The following LRFN5 variants were observed in gnomAD, a reference collection of about 807,000 sequenced individuals.
LRFN5 encodes leucine rich repeat and fibronectin type III domain containing 5.
Under a neutral mutation model 45.6 loss-of-function variants are expected in LRFN5, and 24 were observed. The ratio of observed to expected loss-of-function variants is 0.53; its 90% CI spans 0.38 to 0.74. The LOEUF (loss-of-function observed/expected upper bound fraction) is 0.74, where lower values mean the gene tolerates loss of function less well. Ranked by LOEUF, LRFN5 falls within the 30% of genes least tolerant of loss-of-function variation. LRFN5 has a pLI of 0.00. For missense variants in LRFN5, 776 were observed against 861.5 expected, an observed-to-expected ratio of 0.90 and a Z score of 1.24; for synonymous variants, 340 against 313.8, an observed-to-expected ratio of 1.08 and a Z score of -0.88.
At chr14:41,869,234 G>T (rs960216689) in intron 2 of LRFN5, among the ~76,000 whole-genome samples, 2 of 152,058 alleles carry the variant, frequency 1.3e-5, no homozygotes, top group African/African-American at 2.4e-5. Context: ...AAATGACACT[G>T]CTGAAAGGAA....
At chr14:41,839,260 T>G (rs2139050419) in intron 2 of LRFN5, among the ~76,000 whole-genome samples, 1 of 152,248 alleles carries the variant, frequency 6.6e-6, no homozygotes, top group East Asian at 1.9e-4. Context: ...ATTTACTGAA[T>G]ACTTCAGCAG....
intron 2 of LRFN5, among the ~76,000 whole-genome samples, chr14:41,868,176 CAT>C (rs1034168631): frequency 5.3e-5 from 8 of 152,000 alleles, no homozygotes; most frequent in African/African-American, 1.4e-4. Flanking sequence ...TTCTCCAAGA[CAT>C]AGCCCTTCAA....
chr14:41,839,495 T>A (rs1888784875), intron 2 of LRFN5, among the ~76,000 whole-genome samples: 1 of 152,156 alleles, frequency 6.6e-6, no homozygotes, highest in South Asian at 2.1e-4. Flanking sequence ...CACCTAATTA[T>A]ACTTATTGCC....
intron 2 of LRFN5, among the ~76,000 whole-genome samples, chr14:41,861,493 C>G (rs1198032853): frequency 1.3e-5 from 2 of 152,084 alleles, no homozygotes; most frequent in Non-Finnish European, 2.9e-5. Context: ...CTTTAAGCAT[C>G]CCGGTTTTAA....
chr14:41,896,940 A>G (rs950946835), intron 4 of LRFN5, among the ~76,000 whole-genome samples: 1 of 151,614 alleles, frequency 6.6e-6, no homozygotes, highest in Non-Finnish European at 1.5e-5. Context: ...AAAATACAAA[A>G]AATTAGCTGG....
intron 1 of LRFN5, among the ~76,000 whole-genome samples, chr14:41,718,528 GT>G (rs1566634941): frequency 6.6e-6 from 1 of 152,104 alleles, no homozygotes; most frequent in Non-Finnish European, 1.5e-5. Flanking sequence ...TATTGTTCAT[GT>G]TTTTAAAGAT....
chr14:41,821,489 A>T (rs77075304), intron 2 of LRFN5, among the ~76,000 whole-genome samples: 1,892 of 152,076 alleles, frequency 0.012, 38 homozygotes, highest in African/African-American at 0.042. Flanking sequence ...CTACTTGATT[A>T]TAATATAATA....
At chr14:41,827,502 A>C (rs1332547059) in intron 2 of LRFN5, among the ~76,000 whole-genome samples, 1 of 152,032 alleles carries the variant, frequency 6.6e-6, no homozygotes, top group South Asian at 2.1e-4. Flanking sequence ...ATCAAGCCAC[A>C]TACACTGAAA....
chr14:41,772,653 C>A (rs2138895575), intron 2 of LRFN5, among the ~76,000 whole-genome samples: 1 of 152,234 alleles, frequency 6.6e-6, no homozygotes. Flanking sequence ...TAGTCAATTC[C>A]AAATTGATAT....
intron 2 of LRFN5, among the ~76,000 whole-genome samples, chr14:41,861,548 C>A (rs1889661577): frequency 6.6e-6 from 1 of 152,112 alleles, no homozygotes; most frequent in Admixed American, 6.6e-5. Flanking sequence ...TAATGAGTGT[C>A]TACATGTTTT....
chr14:41,729,572 T>A (rs1464220835), intron 1 of LRFN5, among the ~76,000 whole-genome samples: 4 of 152,150 alleles, frequency 2.6e-5, no homozygotes, highest in African/African-American at 7.2e-5. Context: ...TCATAAACAA[T>A]CGTTTCCTAT....
intron 4 of LRFN5, chr14:41,894,501 G>A: frequency 1.0e-6 from 1 of 967,248 alleles, no homozygotes; most frequent in Non-Finnish European, 1.2e-6. Flanking sequence ...TGAGTATCTG[G>A]CCTGAGATTT....
intron 2 of LRFN5, among the ~76,000 whole-genome samples, chr14:41,798,305 G>C (rs1266908313): frequency 2.0e-5 from 3 of 151,908 alleles, no homozygotes; most frequent in Non-Finnish European, 2.9e-5. Flanking sequence ...TGGCCTACAC[G>C]CATTGTTCCA....
At chr14:41,790,849 G>T (rs1336783257) in intron 2 of LRFN5, among the ~76,000 whole-genome samples, 4 of 151,548 alleles carry the variant, frequency 2.6e-5, no homozygotes, top group African/African-American at 9.7e-5. Flanking sequence ...TAAGCTTTTA[G>T]CATATGATAT....
chr14:41,818,003 G>T (rs1887979359), intron 2 of LRFN5, among the ~76,000 whole-genome samples: 1 of 151,914 alleles, frequency 6.6e-6, no homozygotes, highest in Non-Finnish European at 1.5e-5. Flanking sequence ...CCTTTTCTAT[G>T]ACTTAATGTA....
intron 2 of LRFN5, among the ~76,000 whole-genome samples, chr14:41,790,257 A>G (rs1224529418): frequency 6.6e-6 from 1 of 151,878 alleles, no homozygotes; most frequent in African/African-American, 2.4e-5. Flanking sequence ...TTATTATTTT[A>G]TGTCTGCATT....
At chr14:41,885,459 A>G (rs1375154639) in intron 2 of LRFN5, among the ~76,000 whole-genome samples, 1 of 152,152 alleles carries the variant, frequency 6.6e-6, no homozygotes, top group African/African-American at 2.4e-5. Flanking sequence ...AAACAGAAAA[A>G]TGAAAATTGT....
chr14:41,821,219 T>C (rs1888101873), intron 2 of LRFN5, among the ~76,000 whole-genome samples: 1 of 152,044 alleles, frequency 6.6e-6, no homozygotes. Context: ...AACTTTTCCC[T>C]GTTCAGTATG....
At chr14:41,824,085 C>G (rs1888215374) in intron 2 of LRFN5, among the ~76,000 whole-genome samples, 1 of 151,554 alleles carries the variant, frequency 6.6e-6, no homozygotes, top group Admixed American at 6.6e-5. Flanking sequence ...TTTCTGATTT[C>G]TTTGTGTTGG....
Sources: gnomAD v4.1 joint callset for allele counts (sites outside exome capture counted in the v4.1 genomes callset) on GRCh38, gnomAD v4.1.1 for gene constraint, MANE v1.5 for transcripts, NCBI Gene and HGNC (gene_info 2026-07-23, HGNC 2026-07-21) for gene names.